Variants in KLKB1 observed in about 807,000 individuals in gnomAD.
KLKB1 encodes the protein plasma kallikrein.
KLKB1 carries 58 observed loss-of-function variants against 73.6 expected under a neutral mutation model. The ratio of observed to expected loss-of-function variants is 0.79; its 90% CI spans 0.64 to 0.98. The LOEUF (loss-of-function observed/expected upper bound fraction) is 0.98. KLKB1 is among the 50% of genes least tolerant of loss of function. The probability of loss-of-function intolerance (pLI) is 0.00; values close to 1 mark genes in which losing one functional copy is unlikely to be tolerated. For missense variants in KLKB1, 737 were observed against 763.8 expected (o/e 0.96, Z 0.41); for synonymous variants, 280 against 258.1 (o/e 1.08, Z -0.81).
At chr4:186,222,447 G>C (rs1285989596), upstream of KLKB1, among the ~76,000 whole-genome samples, 1 of 151,804 alleles carries the variant, frequency 6.6e-6, no homozygotes, top group Admixed American at 6.6e-5. Flanking sequence ...TTTTCTTTGT[G>C]GTTATCATGA....
chr4:186,234,928 A>G (rs553017561), intron 4 of KLKB1, among the ~76,000 whole-genome samples: 1 of 152,322 alleles, frequency 6.6e-6, no homozygotes, highest in East Asian at 1.9e-4. Flanking sequence ...ACTATATATC[A>G]TTACTATTTT....
At chr4:186,215,581 T>TTATTTATC (rs1554075543) in intron 2 of KLKB1, among the ~76,000 whole-genome samples, 1 of 149,244 alleles carries the variant, frequency 6.7e-6, no homozygotes, top group Non-Finnish European at 1.5e-5. Context: ...ATTTATTTAT[T>TTATTTATC]TATCTATCTA....
intron 4 of KLKB1, 116 bp from the exon 5 acceptor site, chr4:186,236,665 G>A (rs1737705522): frequency 1.1e-6 from 1 of 928,864 alleles, no homozygotes; most frequent in Admixed American, 2.0e-5. Context: ...TAATATAGCA[G>A]TTGCCAAAAC....
At chr4:186,244,420 G>A (rs563380187) in intron 6 of KLKB1, among the ~76,000 whole-genome samples, 3 of 152,314 alleles carry the variant, frequency 2.0e-5, no homozygotes, top group Admixed American at 6.5e-5. Context: ...TGCCGAGATA[G>A]GTAATGGATG....
At chr4:186,243,040 C>T (rs749926499) in intron 6 of KLKB1, among the ~76,000 whole-genome samples, 16 of 151,894 alleles carry the variant, frequency 1.1e-4, no homozygotes, top group Non-Finnish European at 1.5e-4. Context: ...CTCTACCCAT[C>T]CAGTGAAAGT....
In KLKB1 at chr4:186,233,988, C is replaced by T; in HGVS notation, c.258C>T (p.Thr86=). The T allele has an allele frequency of 1.2e-6, 2 of 1,613,984 alleles. No individual in the cohort carries two copies. Among genetic ancestry groups the T allele is most frequent in the Non-Finnish European group, 8.5e-7 (1 of 1,179,918 alleles). ...TCTTGAAAGATAGTGTTACAGGAAC[C>T]CTGCCAAAAGTACATCGAACAGGTG... ...GCFLKDSVTG[T]LPKVHRTGAV... is the part of the protein sequence containing the mutation. The change falls in exon 4 of 15, where the codon ACC becomes ACT. Residue 86 remains threonine, a synonymous_variant. Transcript: ENST00000264690.
At position 186,258,283 on chromosome 4, in the gene KLKB1, A is replaced by C; in HGVS notation, c.*71A>C. The C allele has an allele frequency of 1.6e-6, 2 of 1,283,864 alleles. No individual in the cohort carries two copies. Among genetic ancestry groups the C allele is most frequent in the South Asian group, 2.5e-5 (2 of 79,728 alleles). The allele number at this position is 1,283,864 out of a possible 1,614,324, so 79.5% of individuals were successfully genotyped here. On this transcript the variant is annotated 3_prime_UTR_variant, in exon 15 of 15. Coordinates refer to ENST00000264690, the MANE Select transcript of KLKB1 (RefSeq NM_000892.5). ...CAAATTCTGAGCCTGGGGGGTCCTCATCTGCAAAGCATGGAGAGTGGCATC... is the reference window on the plus strand; with the variant it reads ...CAAATTCTGAGCCTGGGGGGTCCTCCTCTGCAAAGCATGGAGAGTGGCATC...
chr4:186,257,997 T>G (rs1200255257), intron 14 of KLKB1, 24 bp from the exon 15 acceptor site: 2 of 1,610,426 alleles, frequency 1.2e-6, no homozygotes, highest in Non-Finnish European at 1.7e-6. Flanking sequence ...CTTTCTACTA[T>G]TTTATTTTTC....
upstream of KLKB1, chr4:186,226,569 C>G (rs932957075): frequency 1.3e-5 from 2 of 152,324 alleles, no homozygotes; most frequent in African/African-American, 4.8e-5. Context: ...AGCATGGATC[C>G]TTGGGGGCTG....
In KLKB1 at chr4:186,257,393, A is replaced by G. The variant is rs768558110; in HGVS notation, c.1725+28A>G. ...AACTCATGAGATTATGAAAAACACAATAGGCTGCTTGAGAAAATTCATTTC... is the reference window on the plus strand; with the variant it reads ...AACTCATGAGATTATGAAAAACACAGTAGGCTGCTTGAGAAAATTCATTTC... On this transcript the variant is annotated intron_variant, in intron 14 of 14. Coordinates refer to ENST00000264690, the MANE Select transcript of KLKB1 (RefSeq NM_000892.5). 9.7e-6 allele frequency: 15 copies of G among 1,552,576 alleles called. No homozygotes were observed. The African/African-American group carries it at 1.5e-4, about 15-fold the overall frequency.
At chr4:186,219,308 T>A (rs571427394) in intron 2 of KLKB1, among the ~76,000 whole-genome samples, 31 of 152,148 alleles carry the variant, frequency 2.0e-4, no homozygotes, top group African/African-American at 7.5e-4. Flanking sequence ...CCTTGTCTAC[T>A]TGAACCCATA....
chr4:186,223,153 G>A (rs541226411), upstream of KLKB1, among the ~76,000 whole-genome samples: 2 of 152,098 alleles, frequency 1.3e-5, no homozygotes, highest in African/African-American at 4.8e-5. Flanking sequence ...CAGCCATGAG[G>A]AACTGTGAGT....
upstream of KLKB1, among the ~76,000 whole-genome samples, chr4:186,225,275 T>A (rs1737129783): frequency 6.6e-6 from 1 of 152,182 alleles, no homozygotes; most frequent in African/African-American, 2.4e-5. Flanking sequence ...GTACTTTCAA[T>A]ACTTTGAATA....
At chr4:186,247,712 A>G (rs4253292) in intron 6 of KLKB1, among the ~76,000 whole-genome samples, 22,110 of 152,246 alleles carry the variant, frequency 0.15, 1,754 homozygotes, top group Middle Eastern at 0.22. Flanking sequence ...AATACCAAGA[A>G]AATTTAATTC....
At chr4:186,235,128 A>G (rs1023664538) in intron 4 of KLKB1, among the ~76,000 whole-genome samples, 1 of 152,204 alleles carries the variant, frequency 6.6e-6, no homozygotes, top group Non-Finnish European at 1.5e-5. Flanking sequence ...AGCCAGTATA[A>G]TAGGTGTAGT....
chr4:186,226,849 G>A (rs902539070), upstream of KLKB1, among the ~76,000 whole-genome samples: 2 of 152,168 alleles, frequency 1.3e-5, no homozygotes, highest in Non-Finnish European at 2.9e-5. Flanking sequence ...GGGTTGCTGG[G>A]GCTAACGTGG....
At chr4:186,241,970 G>A (rs1364089150) in intron 6 of KLKB1, among the ~76,000 whole-genome samples, 2 of 152,222 alleles carry the variant, frequency 1.3e-5, no homozygotes, top group Non-Finnish European at 1.5e-5. Context: ...ATGTGCGTCC[G>A]TGTGAAGAGA....
chr4:186,244,109 G>A (rs1159439675), intron 6 of KLKB1, among the ~76,000 whole-genome samples: 1 of 152,168 alleles, frequency 6.6e-6, no homozygotes. Context: ...CACTTCGGCT[G>A]TGTGTAATGA....
chr4:186,240,363 G>T, intron 6 of KLKB1, among the ~76,000 whole-genome samples: 1 of 152,028 alleles, frequency 6.6e-6, no homozygotes, highest in Non-Finnish European at 1.5e-5. Flanking sequence ...ATAGTTATAG[G>T]ACAGTGATAT....
Sources: allele counts gnomAD v4.1 joint callset (sites outside exome capture counted in the v4.1 genomes callset), GRCh38; gene constraint gnomAD v4.1.1; transcripts MANE v1.5; gene names NCBI Gene and HGNC (gene_info 2026-07-23, HGNC 2026-07-21).